The following COL11A1 variants were observed in gnomAD, a reference collection of about 807,000 sequenced individuals.
COL11A1 encodes the protein collagen alpha-1(XI) chain.
A neutral mutation model predicts 265.2 loss-of-function variants in COL11A1; 74 were observed. That is an observed-to-expected ratio of 0.28 (90% CI 0.23 to 0.34). The LOEUF (loss-of-function observed/expected upper bound fraction) is 0.34. Ranked by LOEUF, COL11A1 falls within the 10% of genes least tolerant of loss-of-function variation. The pLI, the probability that COL11A1 is intolerant of heterozygous loss-of-function variation, is 1.00. For missense variants in COL11A1, 2,165 were observed against 2,263.6 expected, an observed-to-expected ratio of 0.96 and a Z score of 0.88; for synonymous variants, 816 against 727.6, an observed-to-expected ratio of 1.12 and a Z score of -1.96.
rs374767495 is a variant in COL11A1 at position 102,963,983 on chromosome 1, T to C, written c.2917-1223A>G. On this transcript the variant is annotated intron_variant, in intron 38 of 66. Coordinates refer to ENST00000370096, the MANE Select transcript of COL11A1 (RefSeq NM_001854.4). ...GTCTTCACATGAAAGTATGGCTACA[T>C]TTAAAATAGGCTGTTGGTTTTTTTT... 1.2e-4 allele frequency among the ~76,000 whole-genome samples: 19 copies of C among 152,326 alleles called. No individual in the cohort carries two copies. In the East Asian group the frequency reaches 2.7e-3, roughly 22 times the overall value.
rs750135789 is a variant in COL11A1 at position 102,961,828 on chromosome 1, A to G, written c.3168+38T>C. ...AATGAAAGAAGAGCTGTAATTCACAACCATGATTGTCTGGCTATTTATTAT... is the reference window on the plus strand; with the variant it reads ...AATGAAAGAAGAGCTGTAATTCACAGCCATGATTGTCTGGCTATTTATTAT... On this transcript the variant is annotated intron_variant, in intron 41 of 66. Transcript: ENST00000370096. The G allele has an allele frequency of 5.4e-5, 86 of 1,585,536 alleles. 1 individual carries two copies. Among genetic ancestry groups the G allele is most frequent in the Middle Eastern group, 1.7e-4 (1 of 6,020 alleles).
At chr1:103,009,937 G>A (rs1571022572) in intron 14 of COL11A1, among the ~76,000 whole-genome samples, 1 of 152,030 alleles carries the variant, frequency 6.6e-6, no homozygotes, top group Admixed American at 6.6e-5. Context: ...TCACTGAATT[G>A]AATGCAATTA....
intron 4 of COL11A1, among the ~76,000 whole-genome samples, chr1:103,054,254 T>C (rs910395368): frequency 2.0e-5 from 3 of 152,208 alleles, no homozygotes; most frequent in African/African-American, 7.2e-5. Context: ...ATATTTTCAA[T>C]AATTAAAAAG....
At chr1:103,000,417 T>C (rs1211088137) in intron 24 of COL11A1, among the ~76,000 whole-genome samples, 1 of 151,902 alleles carries the variant, frequency 6.6e-6, no homozygotes, top group Non-Finnish European at 1.5e-5. Flanking sequence ...AATATTAAGA[T>C]AAATAATCCA....
intron 1 of COL11A1, among the ~76,000 whole-genome samples, chr1:103,083,620 C>T (rs1461568834): frequency 6.6e-6 from 1 of 152,178 alleles, no homozygotes; most frequent in East Asian, 1.9e-4. Context: ...TTTTTCAGTG[C>T]TTTCCTGAGT....
At chr1:102,928,346 C>T (rs866987527) in intron 46 of COL11A1, among the ~76,000 whole-genome samples, 54 of 149,236 alleles carry the variant, frequency 3.6e-4, no homozygotes, top group African/African-American at 1.2e-3. Context: ...TGAGAATATG[C>T]GGTGTTTGGT....
intron 36 of COL11A1, among the ~76,000 whole-genome samples, chr1:102,971,358 A>T (rs1417228754): frequency 6.6e-6 from 1 of 152,210 alleles, no homozygotes; most frequent in Non-Finnish European, 1.5e-5. Flanking sequence ...GCTTCTTTAG[A>T]CTGCCTTATG....
At chr1:103,043,726 TA>T (rs1669020801) in intron 4 of COL11A1, among the ~76,000 whole-genome samples, 1 of 152,122 alleles carries the variant, frequency 6.6e-6, no homozygotes, top group Non-Finnish European at 1.5e-5. Context: ...TGGAGTCAAT[TA>T]AAGGAAAACA....
At chr1:103,069,615 A>G (rs377679066) in intron 4 of COL11A1, among the ~76,000 whole-genome samples, 125 of 152,054 alleles carry the variant, frequency 8.2e-4, no homozygotes, top group African/African-American at 2.8e-3. Flanking sequence ...AAAAAAAGGC[A>G]AGTCACATAC....
At chr1:103,026,388 A>C (rs894579074) in intron 5 of COL11A1, 56 bp from the exon 6 acceptor site, 4 of 1,078,954 alleles carry the variant, frequency 3.7e-6, no homozygotes, top group Admixed American at 1.7e-5. Context: ...AATACTATTC[A>C]CAAAGTGAGA....
At chr1:103,020,261 A>AC (rs1231800207) in intron 9 of COL11A1, among the ~76,000 whole-genome samples, 1 of 140,550 alleles carries the variant, frequency 7.1e-6, no homozygotes, top group East Asian at 2.2e-4. Flanking sequence ...TTGTTTCCTG[A>AC]CTTTTTAATG....
chr1:103,036,391 A>T (rs970802423), intron 4 of COL11A1, among the ~76,000 whole-genome samples: 4 of 147,278 alleles, frequency 2.7e-5, no homozygotes, highest in African/African-American at 4.9e-5. Context: ...TATAATATAA[A>T]TATATATCTA....
intron 1 of COL11A1, among the ~76,000 whole-genome samples, chr1:103,083,319 A>G (rs1453150917): frequency 6.6e-6 from 1 of 151,736 alleles, no homozygotes; most frequent in East Asian, 1.9e-4. Flanking sequence ...TTTCCTATAT[A>G]TGATTTATAA....
chr1:103,014,330 C>T (rs979666771), intron 13 of COL11A1, among the ~76,000 whole-genome samples, 181 bp downstream of exon 13: 6 of 152,084 alleles, frequency 3.9e-5, no homozygotes, highest in Admixed American at 6.6e-5. Flanking sequence ...CTATAATTTT[C>T]AATTAATAAA....
chr1:103,080,247 T>G (rs1203717843), intron 2 of COL11A1, among the ~76,000 whole-genome samples: 1 of 151,896 alleles, frequency 6.6e-6, no homozygotes, highest in Non-Finnish European at 1.5e-5. Context: ...TGGAAGACAG[T>G]ACAGTATCTC....
intron 57 of COL11A1, among the ~76,000 whole-genome samples, chr1:102,894,728 A>G (rs184078317): frequency 1.3e-5 from 2 of 152,322 alleles, no homozygotes; most frequent in East Asian, 1.9e-4. Flanking sequence ...AGTTATTTAT[A>G]TAGGCTGATC....
chr1:102,881,705 C>T lies in COL11A1; in HGVS notation c.5032G>A (p.Gly1678Arg). ...TTGAGGTAATAACATACCAGTTTTC[C>T]CCTCTTAAATTCACTAAACCAACTT... is the stretch of plus-strand genomic sequence containing the variant. Reference protein sequence around the residue: ...PGSWFSEFKRGKLLSYLDVEG... With the variant: ...PGSWFSEFKRRKLLSYLDVEG... The change falls in exon 65 of 67, where the codon GGA (glycine) becomes AGA (arginine). Residue 1678 changes from glycine (G) to arginine (R), a missense_variant. Transcript: ENST00000370096. The T allele has an allele frequency of 6.2e-7, 1 of 1,611,750 alleles. No individual in the cohort carries two copies. Among genetic ancestry groups the T allele is most frequent in the Non-Finnish European group, 8.5e-7 (1 of 1,178,394 alleles).
intron 1 of COL11A1, among the ~76,000 whole-genome samples, chr1:103,104,424 G>A (rs1303954704): frequency 6.6e-6 from 1 of 151,920 alleles, no homozygotes; most frequent in Non-Finnish European, 1.5e-5. Flanking sequence ...GTCACAAATT[G>A]AAGAAAATAA....
Position 102,878,155 on chromosome 1 carries a change from C to G in COL11A1, c.5285G>C (p.Gly1762Ala). ...TLYDGCASRK[G>A]YEKTVIEINT... ...GATTTCAATGACAGTCTTTTCATAG[C>G]CTTTTCTGGACTGTAAAATAAAGCA... is the stretch of plus-strand genomic sequence containing the variant. Residue 1762 changes from glycine to alanine, a missense_variant, in exon 67 of 67, where the codon GGC becomes GCC. Transcript: ENST00000370096. The G allele has an allele frequency of 6.2e-7, 1 of 1,611,568 alleles. No individual in the cohort carries two copies. Among genetic ancestry groups the G allele is most frequent in the Non-Finnish European group, 8.5e-7 (1 of 1,178,376 alleles).
Sources: gnomAD v4.1 joint callset for allele counts (sites outside exome capture counted in the v4.1 genomes callset) on GRCh38, gnomAD v4.1.1 for gene constraint, MANE v1.5 for transcripts, NCBI Gene and HGNC (gene_info 2026-07-23, HGNC 2026-07-21) for gene names.